ARHGEF10: variants seen among roughly 807,000 people sequenced by gnomAD.
ARHGEF10 encodes the protein Rho guanine nucleotide exchange factor (GEF) 10.
Under a neutral mutation model 147.4 loss-of-function variants are expected in ARHGEF10, and 140 were observed. The ratio of observed to expected loss-of-function variants is 0.95; its 90% confidence interval spans 0.83 to 1.09. The LOEUF is 1.09. Ranked by LOEUF, ARHGEF10 falls within the 50% of genes least tolerant of loss-of-function variation. The probability of loss-of-function intolerance (pLI) is 0.00; values close to 1 mark genes in which losing one functional copy is unlikely to be tolerated. For missense variants in ARHGEF10, 2,222 were observed against 1,752.7 expected (o/e 1.27, Z -4.78); for synonymous variants, 902 against 695.8 (o/e 1.30, Z -4.67).
At chr8:1,942,158 C>G (rs1814147246) in intron 26 of ARHGEF10, among the ~76,000 whole-genome samples, 1 of 150,788 alleles carries the variant, frequency 6.6e-6, no homozygotes, top group African/African-American at 2.5e-5. Context: ...CTTCAAAGGA[C>G]ACTATCAGCA....
rs901855686 is a variant in ARHGEF10, at chr8:1,956,890, A to T, written c.3662A>T (p.Asp1221Val). 3.1e-6 allele frequency: 5 copies of T among 1,613,920 alleles called. No homozygotes were observed. The highest frequency in any genetic ancestry group is 4.2e-6 in the Non-Finnish European group (5 of 1,179,996). Residue 1221 changes from aspartate (D) to valine (V), a missense_variant, in exon 29 of 29, where the codon GAC (aspartate) becomes GTC (valine). Physicochemically the swap from Asp to Val is radical, Grantham distance 152. Coordinates refer to ENST00000349830, the MANE Select transcript of ARHGEF10 (RefSeq NM_014629.4). ...GAGCCTCAGGACGAAGACCAGAAGG[A>T]CGCACTTCCGAGTGGAGGAGCTGGT... ...GPEPQDEDQKDALPSGGAGSS... is the reference protein window; with the variant it reads ...GPEPQDEDQKVALPSGGAGSS...
intron 11 of ARHGEF10, among the ~76,000 whole-genome samples, chr8:1,886,528 G>A (rs1808671944): frequency 6.6e-6 from 1 of 152,224 alleles, no homozygotes; most frequent in South Asian, 2.1e-4. Flanking sequence ...TAATTGACCA[G>A]GCTGAAATAG....
At position 1,880,280 on chromosome 8, in the gene ARHGEF10, C is replaced by A. The variant is rs976054447; in HGVS notation, c.960+116C>A. On this transcript the variant is annotated intron_variant, in intron 9 of 28. Transcript: ENST00000349830. ...GCGGTTCTCAAAGGGTGGTCCGGGG[C>A]TCCTGGAATCCCCCGACGCTTTGGG... 1.2e-5 allele frequency: 9 copies of A among 747,418 alleles called. No individual in the cohort carries two copies. The African/African-American group carries it at 1.4e-4, about 11-fold the overall frequency. 46.3% of individuals were successfully genotyped at this position (747,418 alleles called of 1,614,324 possible).
chr8:1,827,508 G>T (rs552908099), intron 1 of ARHGEF10, among the ~76,000 whole-genome samples: 1 of 152,198 alleles, frequency 6.6e-6, no homozygotes, highest in East Asian at 1.9e-4. Context: ...GTTTTGCCAT[G>T]TTGGCCAGGC....
upstream of ARHGEF10, among the ~76,000 whole-genome samples, chr8:1,823,773 G>T (rs1175162499): frequency 6.6e-6 from 1 of 151,884 alleles, no homozygotes; most frequent in African/African-American, 2.4e-5. Flanking sequence ...GCAGCGGGAG[G>T]GGGCGCGGGC....
intron 14 of ARHGEF10, among the ~76,000 whole-genome samples, chr8:1,897,025 G>A (rs1252976470): frequency 6.6e-6 from 1 of 152,172 alleles, no homozygotes; most frequent in African/African-American, 2.4e-5. Context: ...GCGTGTCCGA[G>A]GCTGTGTTCT....
chr8:1,841,979 G>GAGGC (rs1179676517), intron 1 of ARHGEF10, among the ~76,000 whole-genome samples: 1 of 66,050 alleles, frequency 1.5e-5, no homozygotes, highest in East Asian at 4.2e-4. Context: ...CTGGGGCCGC[G>GAGGC]GCGGGAACTG....
intron 3 of ARHGEF10, chr8:1,858,694 G>A (rs1173342502): frequency 6.4e-6 from 1 of 156,872 alleles, no homozygotes; most frequent in African/African-American, 2.4e-5. Flanking sequence ...AGTGGTGGGA[G>A]AGCCTGCACA....
Position 1,952,825 on chromosome 8 carries a change from C to T in ARHGEF10, c.3518C>T (p.Thr1173Ile), listed in dbSNP as rs187607027. The change falls in exon 28 of 29, where the codon ACC becomes ATC. Residue 1173 changes from threonine (T) to isoleucine (I), a missense_variant and splice_region_variant. By Grantham distance (89) the Thr-to-Ile change is moderately conservative. Transcript: ENST00000349830. ...VPRLQGIPKV[T>I]GRGMVSYHAH... ...CGTCTGCAAGGGATTCCCAAAGTGA[C>T]CGGTGAGTGGCACCTGCAGTCTGAG... 1.9e-6 allele frequency: 3 copies of T among 1,613,778 alleles called. No individual in the cohort carries two copies. The highest frequency in any genetic ancestry group is 2.7e-5 in the African/African-American group (2 of 74,954).
intron 2 of ARHGEF10, among the ~76,000 whole-genome samples, chr8:1,854,912 G>C (rs912941793): frequency 3.9e-5 from 6 of 152,072 alleles, no homozygotes; most frequent in Admixed American, 2.6e-4. Flanking sequence ...CCTGTACCTG[G>C]CACACGGGAC....
At chr8:1,934,059 G>A in intron 26 of ARHGEF10, 117 bp downstream of exon 26, 2 of 1,374,690 alleles carry the variant, frequency 1.5e-6, no homozygotes, top group Non-Finnish European at 2.0e-6. Flanking sequence ...TTCTAGCCGG[G>A]CACAGTGGCT....
At chr8:1,873,849 C>G (rs1445949826) in intron 7 of ARHGEF10, among the ~76,000 whole-genome samples, 1 of 149,336 alleles carries the variant, frequency 6.7e-6, no homozygotes, top group Non-Finnish European at 1.5e-5. Context: ...AGAGGCCACA[C>G]AGGGCCACTT....
intron 1 of ARHGEF10, among the ~76,000 whole-genome samples, chr8:1,829,914 G>T (rs1306292727): frequency 3.3e-5 from 5 of 152,242 alleles, no homozygotes; most frequent in Admixed American, 3.3e-4. Context: ...TTAATAGGAA[G>T]GAATGAAAGG....
chr8:1,869,738 A>C (rs62477523), intron 7 of ARHGEF10: 26,369 of 225,888 alleles, frequency 0.12, 1,837 homozygotes, highest in South Asian at 0.2. Flanking sequence ...GCCGCGGAGC[A>C]CCAGGCCCAG....
At chr8:1,844,383 C>T (rs13258786) in intron 2 of ARHGEF10, among the ~76,000 whole-genome samples, 1,640 of 26,974 alleles carry the variant, frequency 0.061, 4 homozygotes, top group Non-Finnish European at 0.1. Flanking sequence ...CAGGGGTCAC[C>T]GGGGCCTGGT....
At chr8:1,833,919 G>A (rs1195152091) in intron 1 of ARHGEF10, among the ~76,000 whole-genome samples, 1 of 152,196 alleles carries the variant, frequency 6.6e-6, no homozygotes, top group Non-Finnish European at 1.5e-5. Flanking sequence ...TTGGGGAGCC[G>A]TGTCGGGGCT....
At chr8:1,863,638 G>T (rs1014071716) in intron 4 of ARHGEF10, among the ~76,000 whole-genome samples, 3 of 152,102 alleles carry the variant, frequency 2.0e-5, no homozygotes, top group African/African-American at 7.2e-5. Flanking sequence ...ACTCTGGCTG[G>T]CTTCTGCCCA....
Position 1,920,507 on chromosome 8 carries a change from A to G in ARHGEF10, c.2144-2457A>G, listed in dbSNP as rs1257862507. 2.2e-5 allele frequency among the ~76,000 whole-genome samples: 3 copies of G among 139,464 alleles called. 1 individual carries two copies. The highest frequency in any genetic ancestry group is 4.6e-4 in the South Asian group (2 of 4,304). 91.5% of individuals were successfully genotyped at this position (139,464 alleles called of 152,430 possible). A position where few individuals can be genotyped will look rare whatever the true frequency, so the allele number is the denominator to read the frequency against. On this transcript the variant is annotated intron_variant, in intron 18 of 28. Coordinates refer to ENST00000349830, the MANE Select transcript of ARHGEF10 (RefSeq NM_014629.4). ...CTGGCTAATTTTTTTTTTAAACTCT[A>G]TGTTTTTGGTTTTTAAAACTATGTT...
intron 27 of ARHGEF10, among the ~76,000 whole-genome samples, chr8:1,950,245 C>A (rs1351883909): frequency 6.6e-6 from 1 of 152,240 alleles, no homozygotes; most frequent in East Asian, 1.9e-4. Flanking sequence ...GCCCTGCTGT[C>A]CTGTTCTAGG....
Sources: gnomAD v4.1 joint callset for allele counts (sites outside exome capture counted in the v4.1 genomes callset) on GRCh38, gnomAD v4.1.1 for gene constraint, MANE v1.5 for transcripts, NCBI Gene and HGNC (gene_info 2026-07-23, HGNC 2026-07-21) for gene names.